Variants in HDGFL3 observed in about 807,000 individuals in gnomAD.
HDGFL3 encodes hepatoma-derived growth factor-related protein 3.
Under a neutral mutation model 27.6 loss-of-function variants are expected in HDGFL3, and 6 were observed. The ratio of observed to expected loss-of-function variants is 0.22; its 90% CI spans 0.12 to 0.43. The LOEUF is 0.43. Ranked by LOEUF, HDGFL3 falls within the 20% of genes least tolerant of loss-of-function variation. The pLI is 1.00. For missense variants in HDGFL3, 207 were observed against 250.1 expected, an observed-to-expected ratio of 0.83 and a Z score of 1.16; for synonymous variants, 88 against 88.9, an observed-to-expected ratio of 0.99 and a Z score of 0.05.
chr15:83,197,436 G>C (rs2037585138), intron 1 of HDGFL3, among the ~76,000 whole-genome samples: 1 of 152,004 alleles, frequency 6.6e-6, no homozygotes, highest in Admixed American at 6.6e-5. Context: ...TCAATACCAG[G>C]TTCTCTCTAC....
intron 4 of HDGFL3, among the ~76,000 whole-genome samples, chr15:83,153,998 G>T (rs779810104): frequency 6.6e-6 from 1 of 151,922 alleles, no homozygotes; most frequent in Non-Finnish European, 1.5e-5. Context: ...TGCAAAGGAA[G>T]ACCATTCAAC....
rs1230080846 is a variant in HDGFL3, at chr15:83,207,116, G to A, written c.84+215C>T. Among the ~76,000 whole-genome samples, 1 of 152,182 alleles carries A rather than the reference G, an allele frequency of 6.6e-6. No individual in the cohort carries two copies. Among genetic ancestry groups the A allele is most frequent in the Non-Finnish European group, 1.5e-5 (1 of 68,020 alleles). ...GCCGGACCCGCCTTCGAAAGTGGGCGGAAGGATGGCCGCCCTGGCGGAGTG... is the reference window on the plus strand; with the variant it reads ...GCCGGACCCGCCTTCGAAAGTGGGCAGAAGGATGGCCGCCCTGGCGGAGTG... On this transcript the variant is annotated intron_variant, in intron 1 of 5. Transcript: ENST00000299633. This position sits in a 1 kb window ranked among gnomAD's most constrained non-coding sequence, Gnocchi z 4.8.
intron 1 of HDGFL3, among the ~76,000 whole-genome samples, chr15:83,184,100 G>A: frequency 6.6e-6 from 1 of 152,186 alleles, no homozygotes; most frequent in South Asian, 2.1e-4. Context: ...TAACAGTTGT[G>A]CCAATTTGGG....
At chr15:83,196,163 T>A (rs1019825158) in intron 1 of HDGFL3, among the ~76,000 whole-genome samples, 4 of 151,748 alleles carry the variant, frequency 2.6e-5, no homozygotes, top group African/African-American at 9.7e-5. Context: ...TTAAGAATTT[T>A]AAAAAATATA....
At chr15:83,195,895 A>G (rs2037564738) in intron 1 of HDGFL3, among the ~76,000 whole-genome samples, 1 of 152,074 alleles carries the variant, frequency 6.6e-6, no homozygotes, top group Non-Finnish European at 1.5e-5. Flanking sequence ...GTGAAATAAA[A>G]GCAAAAATGA....
chr15:83,178,599 G>A (rs1596560787), intron 1 of HDGFL3, among the ~76,000 whole-genome samples: 1 of 152,204 alleles, frequency 6.6e-6, no homozygotes, highest in African/African-American at 2.4e-5. Context: ...AGGAGGTCAA[G>A]GCTGCAGTAA....
chr15:83,183,220 TACCTGGGTGACAAA>T (rs963674658), intron 1 of HDGFL3, among the ~76,000 whole-genome samples: 49 of 152,254 alleles, frequency 3.2e-4, no homozygotes, highest in Middle Eastern at 3.4e-3. Flanking sequence ...CTATGTTTAT[TACCTGGGTGACAAA>T]ACAATCTGTA....
At chr15:83,119,830 T>C in intron 3 of HDGFL3, 1 of 1,282,838 alleles carries the variant, frequency 7.8e-7, no homozygotes, top group Non-Finnish European at 1.1e-6. Context: ...CGTGGCTTTA[T>C]CCTCCTTGTA....
At position 83,139,285 on chromosome 15, in the gene HDGFL3, A is replaced by T; in HGVS notation, c.607-10T>A. 7.0e-7 allele frequency: 1 copy of T among 1,433,306 alleles called. No homozygotes were observed. Among genetic ancestry groups the T allele is most frequent in the South Asian group, 1.4e-5 (1 of 70,700 alleles). The allele number at this position is 1,433,306 out of a possible 1,614,324, so 88.8% of individuals were successfully genotyped here. A position where few individuals can be genotyped will look rare whatever the true frequency, so the allele number is the denominator to read the frequency against. ...ATTATGGTAGTTAGGTCTGTAAAAA[A>T]AAAAAAAAGAAAGAAAACAAGCCTT... On this transcript the variant is annotated splice_polypyrimidine_tract_variant and intron_variant, in intron 5 of 5. Coordinates refer to ENST00000299633, the MANE Select transcript of HDGFL3 (RefSeq NM_016073.4).
In HDGFL3 at chr15:83,133,088, T is replaced by TG. The variant is rs1388334828; in HGVS notation, c.*6181_*6182insC. ...ACCTCACTGAACCCTCATAACAACC[T>TG]ATGAGGTGGGTTCCACACCTCACCC... On this transcript the variant is annotated 3_prime_UTR_variant, in exon 6 of 6. Coordinates refer to ENST00000299633, the MANE Select transcript of HDGFL3 (RefSeq NM_016073.4). 1.8e-4 allele frequency: 28 copies of TG among 152,190 alleles called. No individual in the cohort carries two copies. Among genetic ancestry groups the TG allele is most frequent in the Admixed American group, 1.1e-3 (17 of 15,278 alleles). 9.4% of individuals were successfully genotyped at this position (152,190 alleles called of 1,614,324 possible). A position where few individuals can be genotyped will look rare whatever the true frequency, so the allele number is the denominator to read the frequency against.
chr15:83,189,907 A>G (rs1255908849), intron 1 of HDGFL3, among the ~76,000 whole-genome samples: 1 of 152,170 alleles, frequency 6.6e-6, no homozygotes, highest in Non-Finnish European at 1.5e-5. Flanking sequence ...TCAATACACT[A>G]CAATTTAACT....
chr15:83,142,514 G>T (rs1453654220), intron 5 of HDGFL3, among the ~76,000 whole-genome samples: 1 of 152,082 alleles, frequency 6.6e-6, no homozygotes, highest in Non-Finnish European at 1.5e-5. Context: ...ATGGACACTA[G>T]GGCCTACTGG....
At chr15:83,147,279 C>A (rs1291254255) in intron 5 of HDGFL3, among the ~76,000 whole-genome samples, 1 of 152,064 alleles carries the variant, frequency 6.6e-6, no homozygotes, top group Admixed American at 6.6e-5. Flanking sequence ...CCAGGATGGT[C>A]TCGATCTCTT....
chr15:83,188,363 G>A (rs910634170), intron 1 of HDGFL3, among the ~76,000 whole-genome samples: 3 of 152,208 alleles, frequency 2.0e-5, no homozygotes, highest in Admixed American at 1.3e-4. Flanking sequence ...CAATTCTCGC[G>A]CCTCAGCCTC....
chr15:83,170,060 G>C, intron 1 of HDGFL3, among the ~76,000 whole-genome samples: 1 of 152,164 alleles, frequency 6.6e-6, no homozygotes, highest in Middle Eastern at 3.2e-3. Context: ...ACTGCTAAAA[G>C]AAATCACCGA....
intron 5 of HDGFL3, among the ~76,000 whole-genome samples, chr15:83,140,749 C>T (rs538775794): frequency 1.3e-5 from 2 of 152,294 alleles, no homozygotes; most frequent in Non-Finnish European, 1.5e-5. Flanking sequence ...TCCCAAAGTG[C>T]TGGGATTACA....
At chr15:83,157,823 A>G (rs546710413) in intron 3 of HDGFL3, 80 bp downstream of exon 3, 9 of 1,301,512 alleles carry the variant, frequency 6.9e-6, no homozygotes, top group Non-Finnish European at 8.7e-6. Context: ...ATTAGTAGAA[A>G]GGACATATAA....
downstream of HDGFL3, chr15:83,124,692 GAA>G: frequency 6.2e-7 from 1 of 1,613,998 alleles, no homozygotes; most frequent in East Asian, 2.2e-5. Context: ...AAGCCCAAGC[GAA>G]AGACCTGCTG....
chr15:83,150,648 C>T (rs1403021064), intron 5 of HDGFL3, among the ~76,000 whole-genome samples: 1 of 152,094 alleles, frequency 6.6e-6, no homozygotes, highest in Non-Finnish European at 1.5e-5. Flanking sequence ...GCAAAATTTG[C>T]CTTCATCAAG....
Sources: gnomAD v4.1 joint callset for allele counts (sites outside exome capture counted in the v4.1 genomes callset) on GRCh38, gnomAD v4.1.1 for gene constraint, Gnocchi (gnomAD v3.1) non-coding constraint, MANE v1.5 for transcripts, NCBI Gene and HGNC (gene_info 2026-07-23, HGNC 2026-07-21) for gene names.